The following PPM1B variants were observed in gnomAD, a reference collection of about 807,000 sequenced individuals.
PPM1B encodes the protein protein phosphatase 1B.
A neutral mutation model predicts 43.0 loss-of-function variants in PPM1B; 22 were observed. The ratio of observed to expected loss-of-function variants is 0.51; its 90% CI spans 0.37 to 0.73. The LOEUF (loss-of-function observed/expected upper bound fraction) is 0.73, where lower values mean the gene tolerates loss of function less well. Ranked by LOEUF, PPM1B falls within the 30% of genes least tolerant of loss-of-function variation. The pLI is 0.00. For synonymous variants in PPM1B, 217 were observed against 197.9 expected (o/e 1.10, Z -0.81); for missense variants, 632 against 584.2 (o/e 1.08, Z -0.84).
downstream of PPM1B, chr2:44,232,314 AG>A (rs1468246291): frequency 6.2e-7 from 1 of 1,603,716 alleles, no homozygotes; most frequent in African/African-American, 1.3e-5. Context: ...CTCTTCCTGT[AG>A]GGTGCTGGAG....
intron 2 of PPM1B, among the ~76,000 whole-genome samples, chr2:44,205,369 G>C (rs967082483): frequency 3.3e-4 from 50 of 151,596 alleles, no homozygotes; most frequent in Non-Finnish European, 5.4e-4. Flanking sequence ...GTGTGTGTGT[G>C]TGTGTGTGTG....
At position 44,227,264 on chromosome 2, in the gene PPM1B, C is replaced by T. The variant is rs143122444; in HGVS notation, c.1135-3149C>T. Among the ~76,000 whole-genome samples the T allele has an allele frequency of 5.3e-5, 8 of 151,952 alleles. No individual in the cohort carries two copies. The East Asian group carries it at 1.6e-3, about 30-fold the overall frequency. On this transcript the variant is annotated intron_variant, in intron 5 of 5. Coordinates refer to ENST00000282412, the MANE Select transcript of PPM1B (RefSeq NM_002706.6). ...TGCTGGGATTACAGGCATGAGCCAC[C>T]AGCCCTGGATGAGAAACTTTATTTA...
At chr2:44,233,278 A>G (rs1670520927), downstream of PPM1B, 1 of 906,494 alleles carries the variant, frequency 1.1e-6, no homozygotes, top group African/African-American at 1.8e-5. Flanking sequence ...TACATTTAAA[A>G]TTATCTATTT....
At chr2:44,211,521 C>T (rs888843640) in intron 3 of PPM1B, among the ~76,000 whole-genome samples, 9 of 152,036 alleles carry the variant, frequency 5.9e-5, no homozygotes, top group Non-Finnish European at 1.3e-4. Context: ...TCTTTTGTGA[C>T]TTGCTTGGGT....
At chr2:44,230,127 G>T in intron 5 of PPM1B, 2 of 1,462,500 alleles carry the variant, frequency 1.4e-6, no homozygotes, top group Non-Finnish European at 1.8e-6. Context: ...AAATGCTTGT[G>T]TTGCTGTTGA....
chr2:44,244,501 C>A, downstream of PPM1B: 2 of 711,852 alleles, frequency 2.8e-6, no homozygotes, highest in Non-Finnish European at 3.6e-6. Context: ...ACACCTGTGG[C>A]TTCTTGGCAG....
At chr2:44,188,710 C>T (rs1668247639) in intron 1 of PPM1B, among the ~76,000 whole-genome samples, 1 of 151,220 alleles carries the variant, frequency 6.6e-6, no homozygotes, top group Admixed American at 6.6e-5. Flanking sequence ...TGCCTGCCTG[C>T]CTGCTTTCCT....
chr2:44,222,983 A>G (rs1670043533), intron 5 of PPM1B, among the ~76,000 whole-genome samples: 1 of 152,026 alleles, frequency 6.6e-6, no homozygotes, highest in Non-Finnish European at 1.5e-5. Flanking sequence ...GGCACACAGC[A>G]CCACACTCGG....
intron 2 of PPM1B, 55 bp downstream of exon 2, chr2:44,202,100 A>G (rs1029409838): frequency 3.5e-6 from 5 of 1,439,754 alleles, no homozygotes; most frequent in Non-Finnish European, 2.7e-6. Flanking sequence ...AAGTTACGGT[A>G]GGTAAAGTTA....
At chr2:44,178,824 A>G (rs149436470) in intron 1 of PPM1B, among the ~76,000 whole-genome samples, 493 of 152,346 alleles carry the variant, frequency 3.2e-3, no homozygotes, top group African/African-American at 0.012. Context: ...AAGGTAATTT[A>G]AATTTTTCTA....
chr2:44,215,706 A>C (rs1409103793), intron 3 of PPM1B, among the ~76,000 whole-genome samples: 1 of 152,232 alleles, frequency 6.6e-6, no homozygotes, highest in Non-Finnish European at 1.5e-5. Flanking sequence ...ATTGCTTTCT[A>C]CATACAGGTT....
chr2:44,195,509 C>A (rs1350178376), intron 1 of PPM1B, among the ~76,000 whole-genome samples: 1 of 152,126 alleles, frequency 6.6e-6, no homozygotes, highest in Non-Finnish European at 1.5e-5. Flanking sequence ...CCATGCCCAG[C>A]CCAGACATGT....
intron 1 of PPM1B, among the ~76,000 whole-genome samples, chr2:44,185,307 C>T (rs1199088570): frequency 6.6e-6 from 1 of 152,142 alleles, no homozygotes; most frequent in African/African-American, 2.4e-5. Context: ...ATGTTGAGAA[C>T]TGCTACTTTA....
downstream of PPM1B, chr2:44,234,367 A>G: frequency 1.9e-6 from 1 of 520,552 alleles, no homozygotes; most frequent in Non-Finnish European, 2.5e-6. Flanking sequence ...AAAAATACAA[A>G]GATTAGCTGG....
chr2:44,218,043 C>G lies in PPM1B; in HGVS notation c.1041C>G (p.Ile347Met). 4.3e-6 allele frequency: 7 copies of G among 1,612,732 alleles called. No homozygotes were observed. Among genetic ancestry groups the G allele is most frequent in the Non-Finnish European group, 5.1e-6 (6 of 1,179,562 alleles). Reference protein sequence around the residue: ...HVMRILSAENIPNLPPGGGLA... With the variant: ...HVMRILSAENMPNLPPGGGLA... ...TGCGCATCTTGTCTGCAGAAAATAT[C>G]CCAAATTTGCCTCCTGGGGGAGGTC... Residue 347 changes from isoleucine to methionine, a missense_variant, in exon 4 of 6, where the codon ATC (isoleucine) becomes ATG (methionine). By Grantham distance (10) the Ile-to-Met change is conservative. Transcript: ENST00000282412.
Position 44,201,667 on chromosome 2 carries a change from G to A in PPM1B, c.468G>A (p.Leu156=). Residue 156 remains leucine, a synonymous_variant, in exon 2 of 6, where the codon CTG becomes CTA. Transcript: ENST00000282412. The surrounding 1 kb of genome is among the most constrained non-coding windows in gnomAD (Gnocchi z 5.4). The part of the protein sequence containing the change: ...FINCGDSRAV[L]YRNGQVCFST... Reference sequence around the variant, plus strand: ...ACTGTGGTGATTCACGTGCTGTTCTGTATAGGAATGGACAAGTCTGCTTTT... The same window carrying A: ...ACTGTGGTGATTCACGTGCTGTTCTATATAGGAATGGACAAGTCTGCTTTT... 6.2e-7 allele frequency: 1 copy of A among 1,614,188 alleles called. No individual in the cohort carries two copies. The highest frequency in any genetic ancestry group is 8.5e-7 in the Non-Finnish European group (1 of 1,180,030).
intron 1 of PPM1B, among the ~76,000 whole-genome samples, chr2:44,180,228 T>C (rs1667805018): frequency 6.6e-6 from 1 of 152,132 alleles, no homozygotes; most frequent in African/African-American, 2.4e-5. Flanking sequence ...AATCTTGATC[T>C]TTCTTTCCTC....
intron 1 of PPM1B, among the ~76,000 whole-genome samples, chr2:44,179,467 TTTGA>T (rs1667753887): frequency 1.3e-5 from 2 of 152,322 alleles, no homozygotes; most frequent in Admixed American, 6.5e-5. Context: ...CTTGTCTGTG[TTTGA>T]TATTGAGAGT....
At chr2:44,185,152 A>G (rs1250235491) in intron 1 of PPM1B, among the ~76,000 whole-genome samples, 2 of 152,016 alleles carry the variant, frequency 1.3e-5, no homozygotes, top group Non-Finnish European at 2.9e-5. Context: ...ATGGAATCAT[A>G]CATTGTATAC....
Sources: allele counts gnomAD v4.1 joint callset (sites outside exome capture counted in the v4.1 genomes callset), GRCh38; gene constraint gnomAD v4.1.1; non-coding constraint Gnocchi (gnomAD v3.1); transcripts MANE v1.5; gene names NCBI Gene and HGNC (gene_info 2026-07-23, HGNC 2026-07-21).